Variants in WDTC1 observed in about 807,000 individuals in gnomAD.
WDTC1 encodes the protein WD and tetratricopeptide repeats 1.
Under a neutral mutation model 76.0 loss-of-function variants are expected in WDTC1, and 12 were observed. The ratio of observed to expected loss-of-function variants is 0.16; its 90% confidence interval spans 0.10 to 0.26. The LOEUF is 0.26. Ranked by LOEUF, WDTC1 falls within the 10% of genes least tolerant of loss-of-function variation. WDTC1 has a pLI of 1.00. For synonymous variants in WDTC1, 326 were observed against 350.8 expected, an observed-to-expected ratio of 0.93 and a Z score of 0.79; for missense variants, 511 against 908.8, an observed-to-expected ratio of 0.56 and a Z score of 5.63.
chr1:27,254,870 G>A (rs1406220766), intron 1 of WDTC1, among the ~76,000 whole-genome samples: 1 of 151,564 alleles, frequency 6.6e-6, no homozygotes, highest in Non-Finnish European at 1.5e-5. Context: ...CAGGTGATCT[G>A]CATACCTCAG....
intron 3 of WDTC1, among the ~76,000 whole-genome samples, chr1:27,278,226 T>C (rs1472613194): frequency 6.6e-6 from 1 of 152,230 alleles, no homozygotes; most frequent in Non-Finnish European, 1.5e-5. Context: ...ACTTATGTAT[T>C]GCTTATGTTT....
At chr1:27,253,408 C>CCCCTCCCCT (rs1454372702) in intron 1 of WDTC1, among the ~76,000 whole-genome samples, 4 of 95,770 alleles carry the variant, frequency 4.2e-5, no homozygotes, top group South Asian at 8.7e-4. Flanking sequence ...CCTCCCCCTC[C>CCCCTCCCCT]CCTCCTCCTC....
At chr1:27,295,270 A>G (rs1021291604) in intron 9 of WDTC1, among the ~76,000 whole-genome samples, 2 of 152,220 alleles carry the variant, frequency 1.3e-5, no homozygotes, top group Non-Finnish European at 2.9e-5. Flanking sequence ...CGAAACAGTT[A>G]ATGACATTAC....
chr1:27,249,162 C>A (rs778764373), intron 1 of WDTC1, among the ~76,000 whole-genome samples: 3 of 150,994 alleles, frequency 2.0e-5, no homozygotes, highest in African/African-American at 7.3e-5. Flanking sequence ...CCAGCTACTC[C>A]GGAGGCTGAG....
At chr1:27,261,478 G>A (rs2012473572) in intron 2 of WDTC1, among the ~76,000 whole-genome samples, 1 of 152,164 alleles carries the variant, frequency 6.6e-6, no homozygotes, top group Non-Finnish European at 1.5e-5. Context: ...GAGATCCTGG[G>A]AGAGTATTAG....
At chr1:27,253,567 G>A (rs1483457101) in intron 1 of WDTC1, among the ~76,000 whole-genome samples, 5 of 143,480 alleles carry the variant, frequency 3.5e-5, no homozygotes, top group Admixed American at 7.1e-5. Context: ...GGCTGGTTTC[G>A]AAGTCCTGAC....
At chr1:27,296,216 C>T (rs2013679101) in intron 9 of WDTC1, 110 bp from the exon 10 acceptor site, 1 of 1,262,508 alleles carries the variant, frequency 7.9e-7, no homozygotes, top group East Asian at 2.3e-5. Flanking sequence ...ATGCTCAACA[C>T]TCACTGTGTT....
At chr1:27,240,648 G>A (rs1383694806) in intron 1 of WDTC1, among the ~76,000 whole-genome samples, 1 of 152,096 alleles carries the variant, frequency 6.6e-6, no homozygotes, top group Non-Finnish European at 1.5e-5. Flanking sequence ...ACTCCTTGAA[G>A]GGCTTTGTGG....
At chr1:27,256,965 C>T (rs2012303344) in intron 1 of WDTC1, among the ~76,000 whole-genome samples, 1 of 152,166 alleles carries the variant, frequency 6.6e-6, no homozygotes, top group Non-Finnish European at 1.5e-5. Context: ...GGATTCACTG[C>T]CATTCTCCTG....
At position 27,263,508 on chromosome 1, in the gene WDTC1, A is replaced by G. The variant is rs947916475; in HGVS notation, c.132+273A>G. ...GAGTGCGGTGGCACGATCTCTGCTT[A>G]CTGCAAGCTCTGCCTCCCGGGTTCA... On this transcript the variant is annotated intron_variant, in intron 3 of 15. Coordinates refer to ENST00000319394, the MANE Select transcript of WDTC1 (RefSeq NM_001276252.2). Among the ~76,000 whole-genome samples, 27 of 152,286 alleles carry G rather than the reference A, an allele frequency of 1.8e-4. 1 individual carries two copies. Among genetic ancestry groups the G allele is most frequent in the Admixed American group, 1.2e-3 (19 of 15,290 alleles).
At position 27,260,977 on chromosome 1, in the gene WDTC1, G is replaced by A. The variant is rs2147931582; in HGVS notation, c.-78G>A. On this transcript the variant is annotated 5_prime_UTR_variant, in exon 2 of 16. The change creates a premature stop within an existing upstream ORF in the 5' untranslated region. Transcript: ENST00000319394. ...CCAGGTAATTAAATGTGTATTTTGT[G>A]GACCTGGGCTTGGCTGGAATGCTCA... The A allele has an allele frequency of 6.7e-7, 1 of 1,492,410 alleles. No homozygotes were observed. The highest frequency in any genetic ancestry group is 1.9e-5 in the Admixed American group (1 of 53,804). 92.4% of individuals were successfully genotyped at this position (1,492,410 alleles called of 1,614,324 possible).
intron 1 of WDTC1, among the ~76,000 whole-genome samples, chr1:27,252,025 G>A (rs2012083092): frequency 6.6e-6 from 1 of 151,830 alleles, no homozygotes; most frequent in Non-Finnish European, 1.5e-5. Context: ...TCCAGCCTGG[G>A]TGATAGAGCA....
intron 3 of WDTC1, among the ~76,000 whole-genome samples, chr1:27,269,112 C>G (rs2012771852): frequency 7.4e-6 from 1 of 135,208 alleles, no homozygotes; most frequent in Admixed American, 8.5e-5. Flanking sequence ...GATGGCAAGT[C>G]CAGAAAGAAG....
intron 2 of WDTC1, among the ~76,000 whole-genome samples, chr1:27,262,730 T>A (rs1276923878): frequency 6.6e-6 from 1 of 152,112 alleles, no homozygotes; most frequent in African/African-American, 2.4e-5. Context: ...AAGTTTTTTG[T>A]GTGTGATTTC....
intron 3 of WDTC1, among the ~76,000 whole-genome samples, chr1:27,266,032 A>C (rs1326010397): frequency 6.6e-6 from 1 of 152,196 alleles, no homozygotes; most frequent in Non-Finnish European, 1.5e-5. Context: ...TGGGATCCTC[A>C]GTAATTTTTA....
intron 5 of WDTC1, 49 bp from the exon 6 acceptor site, chr1:27,287,625 G>T (rs368407545): frequency 8.2e-5 from 129 of 1,568,334 alleles, no homozygotes; most frequent in Non-Finnish European, 1.1e-4. Context: ...TCCTTCCGTG[G>T]CCATTTCTAC....
intron 1 of WDTC1, among the ~76,000 whole-genome samples, chr1:27,251,841 G>T (rs951707563): frequency 5.3e-5 from 8 of 151,966 alleles, no homozygotes; most frequent in Admixed American, 2.0e-4. Flanking sequence ...ATCAAAATCT[G>T]CCAGGTGTGT....
At chr1:27,249,794 C>G (rs1344194867) in intron 1 of WDTC1, among the ~76,000 whole-genome samples, 1 of 152,110 alleles carries the variant, frequency 6.6e-6, no homozygotes, top group Non-Finnish European at 1.5e-5. Context: ...CCAGCCTGGT[C>G]TTAAATTCTT....
chr1:27,268,746 ACT>A (rs1477963625), intron 3 of WDTC1, among the ~76,000 whole-genome samples: 1 of 104,024 alleles, frequency 9.6e-6, no homozygotes, highest in Non-Finnish European at 2.0e-5. Context: ...ACAGAGTCTC[ACT>A]CTGTCGCTCA....
Sources: gnomAD v4.1 joint callset for allele counts (sites outside exome capture counted in the v4.1 genomes callset) on GRCh38, gnomAD v4.1.1 for gene constraint, MANE v1.5 for transcripts, NCBI Gene and HGNC (gene_info 2026-07-23, HGNC 2026-07-21) for gene names.